Variants in PTCSC3 observed in about 807,000 individuals in gnomAD.
The protein encoded by PTCSC3 is papillary thyroid carcinoma susceptibility candidate 3 (non-protein coding).
At chr14:36,174,661 C>A (rs1323752826) in intron 1 of PTCSC3, among the ~76,000 whole-genome samples, 1 of 152,108 alleles carries the variant, frequency 6.6e-6, no homozygotes, top group Non-Finnish European at 1.5e-5. Flanking sequence ...TAGTATAGAT[C>A]TGTGGACAGT....
chr14:36,138,181 G>GAA (rs58068418), intron 3 of PTCSC3, among the ~76,000 whole-genome samples: 16,300 of 152,066 alleles, frequency 0.11, 1,042 homozygotes, highest in Middle Eastern at 0.2. Context: ...CCATGTGGGG[G>GAA]AAAAATGAAT....
At chr14:36,175,761 C>T (rs1187592488) in intron 1 of PTCSC3, among the ~76,000 whole-genome samples, 1 of 152,198 alleles carries the variant, frequency 6.6e-6, no homozygotes, top group Non-Finnish European at 1.5e-5. Context: ...GGAGTAACTT[C>T]ATTGAACACT....
intron 2 of PTCSC3, among the ~76,000 whole-genome samples, chr14:36,160,706 G>T (rs1161375695): frequency 3.9e-5 from 6 of 151,942 alleles, no homozygotes; most frequent in Non-Finnish European, 8.8e-5. Context: ...TGTCTTGGGG[G>T]TTGCTCTTCT....
At chr14:36,160,606 G>C (rs1881933856) in intron 2 of PTCSC3, among the ~76,000 whole-genome samples, 1 of 151,948 alleles carries the variant, frequency 6.6e-6, no homozygotes, top group Non-Finnish European at 1.5e-5. Context: ...TTAGTCTGAT[G>C]GGCTTCCCTT....
chr14:36,135,919 ATG>A (rs1390673373), downstream of PTCSC3, among the ~76,000 whole-genome samples: 4 of 144,276 alleles, frequency 2.8e-5, no homozygotes, highest in African/African-American at 4.9e-5. Flanking sequence ...GTGTGTGTAT[ATG>A]TGTGTGTGTA....
intron 3 of PTCSC3, among the ~76,000 whole-genome samples, chr14:36,149,199 A>G (rs902707519): frequency 1.8e-4 from 28 of 151,594 alleles, no homozygotes; most frequent in African/African-American, 6.8e-4. Flanking sequence ...TTGTATTTTT[A>G]TTTTCATTTA....
At chr14:36,163,518 A>G (rs762256092) in intron 1 of PTCSC3, among the ~76,000 whole-genome samples, 29 of 152,044 alleles carry the variant, frequency 1.9e-4, no homozygotes, top group Non-Finnish European at 4.1e-4. Flanking sequence ...AGAAAAATAT[A>G]AAAGAAAATC....
Position 36,171,040 on chromosome 14 carries a change from G to A in PTCSC3, n.171+5258C>T, listed in dbSNP as rs956357408. Among the ~76,000 whole-genome samples, 4 of 152,154 alleles carry A rather than the reference G, an allele frequency of 2.6e-5. No individual in the cohort carries two copies. The East Asian group carries it at 5.8e-4, about 22-fold the overall frequency. ...GTATTTTCAACTACATAAATAAATT[G>A]GCTGTGATGGGCTATCCTAGGAACT... is the stretch of plus-strand genomic sequence containing the variant. On this transcript the variant is annotated intron_variant and non_coding_transcript_variant, in intron 1 of 3. Transcript: ENST00000556013.
intron 1 of PTCSC3, among the ~76,000 whole-genome samples, chr14:36,174,752 G>A (rs1312600834): frequency 6.6e-6 from 1 of 152,156 alleles, no homozygotes; most frequent in East Asian, 1.9e-4. Context: ...GTCGGGGTTT[G>A]GTTTCAGGCT....
chr14:36,173,218 T>C (rs1056146426), intron 1 of PTCSC3, among the ~76,000 whole-genome samples: 5 of 152,190 alleles, frequency 3.3e-5, no homozygotes, highest in Non-Finnish European at 5.9e-5. Context: ...ATTTCTTTTT[T>C]ATGAGTTAAA....
chr14:36,139,563 C>A (rs1881372265), intron 3 of PTCSC3, among the ~76,000 whole-genome samples: 1 of 152,088 alleles, frequency 6.6e-6, no homozygotes, highest in Admixed American at 6.6e-5. Context: ...TTCGCTACCC[C>A]CCCAATACAC....
chr14:36,137,701 G>A (rs1193812973), intron 3 of PTCSC3, among the ~76,000 whole-genome samples: 8 of 152,218 alleles, frequency 5.3e-5, no homozygotes, highest in South Asian at 2.1e-4. Flanking sequence ...TGGAGATGGA[G>A]CAACTATAAG....
At chr14:36,137,338 G>C (rs1445788985) in intron 3 of PTCSC3, among the ~76,000 whole-genome samples, 2 of 152,176 alleles carry the variant, frequency 1.3e-5, no homozygotes, top group Non-Finnish European at 2.9e-5. Flanking sequence ...AGATATCAAG[G>C]GGACCGTATT....
rs1431065929 is a variant in PTCSC3, at chr14:36,143,636, T to C, written n.323-7280A>G. 3.2e-3 allele frequency among the ~76,000 whole-genome samples: 479 copies of C among 149,880 alleles called. 3 individuals are homozygous for C. The highest frequency in any genetic ancestry group is 0.01 in the African/African-American group (419 of 41,160). The stretch of plus-strand genomic sequence containing the variant: ...CTGTTCACTCTGATGGTAGTTTCTT[T>C]TGCTATGCAGAAGCTCTTTAGTTTA... On this transcript the variant is annotated intron_variant and non_coding_transcript_variant, in intron 3 of 3. Transcript: ENST00000556013.
chr14:36,172,443 A>G (rs1882208494), intron 1 of PTCSC3, among the ~76,000 whole-genome samples: 1 of 152,124 alleles, frequency 6.6e-6, no homozygotes. Context: ...AAATGGTATC[A>G]TTTAATTTCT....
At chr14:36,135,887 G>GTA (rs1242573429), downstream of PTCSC3, among the ~76,000 whole-genome samples, 15 of 151,234 alleles carry the variant, frequency 9.9e-5, no homozygotes, top group Middle Eastern at 0.01. Flanking sequence ...GTGTGTGTGT[G>GTA]TGTATATATA....
chr14:36,158,220 C>A (rs945620947), intron 2 of PTCSC3, among the ~76,000 whole-genome samples: 2 of 152,170 alleles, frequency 1.3e-5, no homozygotes, highest in South Asian at 2.1e-4. Context: ...TTGACTTCCT[C>A]TTTTCTTAAT....
intron 1 of PTCSC3, among the ~76,000 whole-genome samples, chr14:36,164,649 C>G: frequency 6.6e-6 from 1 of 152,152 alleles, no homozygotes; most frequent in African/African-American, 2.4e-5. Context: ...AGTTTTCATA[C>G]ATAGACAGAT....
chr14:36,159,724 T>A (rs563925809), intron 2 of PTCSC3, among the ~76,000 whole-genome samples: 1 of 152,324 alleles, frequency 6.6e-6, no homozygotes, highest in African/African-American at 2.4e-5. Context: ...ATTCTGTTGA[T>A]TTGGGGTGGA....
Sources: allele counts gnomAD v4.1 joint callset (sites outside exome capture counted in the v4.1 genomes callset), GRCh38; gene constraint gnomAD v4.1.1; transcripts MANE v1.5; gene names NCBI Gene and HGNC (gene_info 2026-07-23, HGNC 2026-07-21).